Variants in ZNF385D observed in about 807,000 individuals in gnomAD.
ZNF385D encodes zinc finger protein 385D.
A neutral mutation model predicts 35.8 loss-of-function variants in ZNF385D; 15 were observed. The observed-to-expected ratio is 0.42, with a 90% CI of 0.28 to 0.64. The LOEUF is 0.64. Ranked by LOEUF, ZNF385D falls within the 30% of genes least tolerant of loss-of-function variation. The pLI, the probability that ZNF385D is intolerant of heterozygous loss-of-function variation, is 0.23. For missense variants in ZNF385D, 474 were observed against 494.6 expected, an observed-to-expected ratio of 0.96 and a Z score of 0.39; for synonymous variants, 212 against 186.8, an observed-to-expected ratio of 1.13 and a Z score of -1.10.
chr3:22,028,427 A>G (rs1697704117), intron 3 of ZNF385D, among the ~76,000 whole-genome samples: 2 of 152,178 alleles, frequency 1.3e-5, no homozygotes, highest in African/African-American at 4.8e-5. Flanking sequence ...TGACCTGGTT[A>G]TGGCCACTGC....
At chr3:22,347,304 C>T (rs546764372) in intron 2 of ZNF385D, among the ~76,000 whole-genome samples, 2 of 152,166 alleles carry the variant, frequency 1.3e-5, no homozygotes, top group African/African-American at 4.8e-5. Flanking sequence ...TTGTTGGTAG[C>T]ATTAGAACCC....
At chr3:22,105,338 C>T (rs1189204466) in intron 3 of ZNF385D, among the ~76,000 whole-genome samples, 1 of 150,394 alleles carries the variant, frequency 6.6e-6, no homozygotes, top group Non-Finnish European at 1.5e-5. Context: ...TTGTATTAGT[C>T]AGGACTCACT....
At chr3:21,577,321 T>C (rs750419239) in intron 2 of ZNF385D, among the ~76,000 whole-genome samples, 2 of 152,230 alleles carry the variant, frequency 1.3e-5, no homozygotes, top group Non-Finnish European at 2.9e-5. Context: ...CATCCATGTT[T>C]CCAAAACTGA....
intron 2 of ZNF385D, among the ~76,000 whole-genome samples, chr3:22,224,012 T>TA (rs1698410552): frequency 6.6e-6 from 1 of 152,156 alleles, no homozygotes; most frequent in African/African-American, 2.4e-5. Flanking sequence ...CAAATGCCTG[T>TA]ACCCTGAAAT....
At chr3:21,874,520 G>A (rs577300711) in intron 3 of ZNF385D, among the ~76,000 whole-genome samples, 4 of 152,120 alleles carry the variant, frequency 2.6e-5, no homozygotes, top group Non-Finnish European at 5.9e-5. Flanking sequence ...ATTCCCACTT[G>A]ATCATATGTA....
intron 2 of ZNF385D, among the ~76,000 whole-genome samples, chr3:21,614,262 C>T (rs2064775896): frequency 6.6e-6 from 1 of 152,138 alleles, no homozygotes; most frequent in Non-Finnish European, 1.5e-5. Context: ...CTCACATGGC[C>T]TTAACCTCTG....
chr3:21,968,727 T>C (rs1319989810), intron 3 of ZNF385D, among the ~76,000 whole-genome samples: 1 of 152,202 alleles, frequency 6.6e-6, no homozygotes, highest in Non-Finnish European at 1.5e-5. Context: ...AGCCAGGCAG[T>C]ACTTGCCGTG....
chr3:21,768,951 C>T (rs1380063081), intron 3 of ZNF385D, among the ~76,000 whole-genome samples: 1 of 151,894 alleles, frequency 6.6e-6, no homozygotes, highest in African/African-American at 2.4e-5. Flanking sequence ...CTGTGCATTC[C>T]CAGGGAAAGT....
chr3:22,211,541 G>A, intron 2 of ZNF385D, among the ~76,000 whole-genome samples: 1 of 151,966 alleles, frequency 6.6e-6, no homozygotes, highest in East Asian at 1.9e-4. Flanking sequence ...CATTTGGATA[G>A]GTGAACCAGG....
chr3:21,538,984 T>C (rs2062107381), intron 3 of ZNF385D, among the ~76,000 whole-genome samples: 1 of 152,102 alleles, frequency 6.6e-6, no homozygotes. Flanking sequence ...TAAAAAACCA[T>C]ACTGTGGGCT....
intron 3 of ZNF385D, among the ~76,000 whole-genome samples, chr3:21,901,124 A>C (rs547200630): frequency 7.2e-5 from 11 of 152,326 alleles, no homozygotes; most frequent in African/African-American, 2.6e-4. Context: ...TATTTTATTT[A>C]ATTCTCAATA....
intron 3 of ZNF385D, among the ~76,000 whole-genome samples, chr3:22,003,973 G>A (rs1696030987): frequency 6.6e-6 from 1 of 151,628 alleles, no homozygotes; most frequent in Non-Finnish European, 1.5e-5. Flanking sequence ...AAAGCTGGAG[G>A]CATCATACTA....
At chr3:22,056,986 G>A (rs1699434877) in intron 3 of ZNF385D, among the ~76,000 whole-genome samples, 1 of 152,210 alleles carries the variant, frequency 6.6e-6, no homozygotes. Flanking sequence ...AAGTCTGAAG[G>A]GAAGAGGTTG....
chr3:21,595,339 T>G, intron 2 of ZNF385D, among the ~76,000 whole-genome samples: 1 of 151,972 alleles, frequency 6.6e-6, no homozygotes, highest in South Asian at 2.1e-4. Flanking sequence ...CAGAAACATA[T>G]ATAACTGCCA....
chr3:21,859,111 G>T (rs1396278406), intron 3 of ZNF385D, among the ~76,000 whole-genome samples: 2 of 152,040 alleles, frequency 1.3e-5, no homozygotes, highest in Admixed American at 1.3e-4. Flanking sequence ...CTTTCAAGTA[G>T]AAATGCCATC....
intron 3 of ZNF385D, among the ~76,000 whole-genome samples, chr3:21,835,334 T>C (rs1695265901): frequency 1.3e-5 from 2 of 151,884 alleles, no homozygotes; most frequent in African/African-American, 4.8e-5. Context: ...ATGTAGCAAA[T>C]GGCTCACGAT....
At chr3:21,791,366 T>C (rs1049528583) in intron 3 of ZNF385D, among the ~76,000 whole-genome samples, 1 of 152,208 alleles carries the variant, frequency 6.6e-6, no homozygotes, top group East Asian at 1.9e-4. Context: ...TGGCATGTGA[T>C]ATTAGGGGAC....
chr3:22,154,720 AC>A (rs1705476077), intron 3 of ZNF385D, among the ~76,000 whole-genome samples: 2 of 152,242 alleles, frequency 1.3e-5, no homozygotes, highest in Middle Eastern at 3.4e-3. Context: ...TTAATTTTTA[AC>A]ATCTTCCCAA....
exon 3 of ZNF385D, chr3:22,168,957 T>C (rs1706512203): frequency 1.3e-5 from 13 of 985,720 alleles, no homozygotes; most frequent in Non-Finnish European, 1.6e-5. Context: ...GGTATGTTTC[T>C]TTTCTCTTTC....
Sources: allele counts gnomAD v4.1 joint callset (sites outside exome capture counted in the v4.1 genomes callset), GRCh38; gene constraint gnomAD v4.1.1; transcripts MANE v1.5; gene names NCBI Gene and HGNC (gene_info 2026-07-23, HGNC 2026-07-21).